The following CDKL1 variants were observed in gnomAD, a reference collection of about 807,000 sequenced individuals.
CDKL1 encodes cyclin-dependent kinase-like 1.
In CDKL1, 41 loss-of-function variants were observed where a neutral mutation model predicts 42.0. The observed-to-expected ratio is 0.98, with a 90% CI of 0.76 to 1.27. The LOEUF (loss-of-function observed/expected upper bound fraction) is 1.27, where lower values mean the gene tolerates loss of function less well. CDKL1 is among the 50% of genes most tolerant of loss of function. The pLI is 0.00. For missense variants in CDKL1, 394 were observed against 428.4 expected (o/e 0.92, Z 0.71); for synonymous variants, 153 against 158.6 (o/e 0.96, Z 0.26).
At chr14:50,385,069 TCAAAAAAAAAAAAAAAAAA>T (rs1244497713) in intron 2 of CDKL1, among the ~76,000 whole-genome samples, 1 of 33,512 alleles carries the variant, frequency 3.0e-5, no homozygotes. Flanking sequence ...AGACTCTGTC[TCAAAAAAAAAAAAAAAAAA>T]AAAAAAAAAA....
intron 2 of CDKL1, among the ~76,000 whole-genome samples, chr14:50,360,785 T>TG (rs1491190818): frequency 1.5e-4 from 19 of 124,380 alleles, no homozygotes; most frequent in South Asian, 2.9e-4. Flanking sequence ...CGTGTGTGTG[T>TG]TTGTGTGTGT....
chr14:50,366,653 A>T (rs775112744), intron 2 of CDKL1, among the ~76,000 whole-genome samples: 12 of 152,200 alleles, frequency 7.9e-5, no homozygotes, highest in Admixed American at 1.3e-4. Flanking sequence ...CATTGTGGTG[A>T]CTTGGAGCAG....
At position 50,326,602 on chromosome 14, in the gene CDKL1, A is replaced by C. The variant is rs2032714338; in HGVS notation, c.*3472T>G. The C allele has an allele frequency of 2.0e-6, 2 of 985,290 alleles. No individual in the cohort carries two copies. The highest frequency in any genetic ancestry group is 3.5e-5 in the African/African-American group (2 of 57,236). The allele number at this position is 985,290 out of a possible 1,614,324, so 61.0% of individuals were successfully genotyped here. A position where few individuals can be genotyped will look rare whatever the true frequency, so the allele number is the denominator to read the frequency against. On this transcript the variant is annotated 3_prime_UTR_variant, in exon 10 of 10. Coordinates refer to ENST00000395834, the MANE Select transcript of CDKL1 (RefSeq NM_004196.7). The stretch of plus-strand genomic sequence containing the variant: ...ACTCAGAATCAACAGTTGCTGCTTA[A>C]TTTGTCTATTTTGTAAGCTTAGGCT...
At chr14:50,335,553 G>A (rs1247905367) in intron 7 of CDKL1, 4 of 1,535,848 alleles carry the variant, frequency 2.6e-6, no homozygotes, top group Non-Finnish European at 3.5e-6. Context: ...AGACAATCAG[G>A]AATAACACTA....
At chr14:50,368,718 G>A (rs746333893) in intron 2 of CDKL1, among the ~76,000 whole-genome samples, 1 of 151,990 alleles carries the variant, frequency 6.6e-6, no homozygotes, top group Non-Finnish European at 1.5e-5. Context: ...CGTATCCTAC[G>A]TGGGCAGCTG....
intron 2 of CDKL1, among the ~76,000 whole-genome samples, chr14:50,365,486 A>C (rs186345014): frequency 3.3e-5 from 5 of 152,314 alleles, no homozygotes; most frequent in Admixed American, 1.3e-4. Context: ...TCAATATTTT[A>C]AAATAAATTA....
intron 7 of CDKL1, chr14:50,335,469 A>G: frequency 6.5e-7 from 1 of 1,536,070 alleles, no homozygotes; most frequent in Non-Finnish European, 8.7e-7. Flanking sequence ...CCTGCTGTTT[A>G]AACAGTCTCC....
intron 2 of CDKL1, among the ~76,000 whole-genome samples, chr14:50,368,061 T>A (rs2034481486): frequency 6.6e-6 from 1 of 152,186 alleles, no homozygotes; most frequent in African/African-American, 2.4e-5. Flanking sequence ...CAGGCACAAG[T>A]GATCCTCCTG....
At chr14:50,349,722 T>C (rs1298253356) in intron 3 of CDKL1, among the ~76,000 whole-genome samples, 1 of 150,222 alleles carries the variant, frequency 6.7e-6, no homozygotes, top group East Asian at 2.0e-4. Flanking sequence ...TTGATGTTCT[T>C]TGTTCTTCTC....
chr14:50,370,093 G>C (rs1289765188), intron 2 of CDKL1, among the ~76,000 whole-genome samples: 3 of 147,224 alleles, frequency 2.0e-5, no homozygotes. Flanking sequence ...CTTTGAGACA[G>C]AGTCTTGCTC....
intron 4 of CDKL1, chr14:50,342,841 A>C: frequency 8.3e-7 from 1 of 1,206,930 alleles, no homozygotes; most frequent in Non-Finnish European, 1.1e-6. Context: ...GCTTGCCAAG[A>C]GATTTCCCTT....
At chr14:50,376,302 A>G (rs1352362868) in intron 2 of CDKL1, 1 of 446,744 alleles carries the variant, frequency 2.2e-6, no homozygotes. Context: ...TAAAAATAAA[A>G]TTTATTGAAA....
At chr14:50,392,865 T>C (rs1213556795) in intron 2 of CDKL1, among the ~76,000 whole-genome samples, 1 of 152,150 alleles carries the variant, frequency 6.6e-6, no homozygotes, top group Non-Finnish European at 1.5e-5. Flanking sequence ...ATCTCCTCAT[T>C]CTTCCAGTCA....
At chr14:50,361,605 C>G (rs561415286) in intron 2 of CDKL1, among the ~76,000 whole-genome samples, 26 of 147,708 alleles carry the variant, frequency 1.8e-4, no homozygotes, top group African/African-American at 5.6e-4. Flanking sequence ...CAAGAGAGCA[C>G]CCCCCTCAAC....
rs2032704037 is a variant in CDKL1, at chr14:50,326,367, A to G, written c.*3707T>C. On this transcript the variant is annotated 3_prime_UTR_variant, in exon 10 of 10. Coordinates refer to ENST00000395834, the MANE Select transcript of CDKL1 (RefSeq NM_004196.7). Reference sequence around the variant, plus strand: ...TATTTGTACAACAGATGTTTTTATTATAACAGTAATTTACATTTAACTTTA... The same window carrying G: ...TATTTGTACAACAGATGTTTTTATTGTAACAGTAATTTACATTTAACTTTA... 2 of 884,176 alleles carry G rather than the reference A, an allele frequency of 2.3e-6. No homozygotes were observed. The highest frequency in any genetic ancestry group is 2.7e-6 in the Non-Finnish European group (2 of 737,812). 54.8% of individuals were successfully genotyped at this position (884,176 alleles called of 1,614,324 possible). A position where few individuals can be genotyped will look rare whatever the true frequency, so the allele number is the denominator to read the frequency against.
At chr14:50,332,059 G>A in intron 9 of CDKL1, 1 of 1,545,350 alleles carries the variant, frequency 6.5e-7, no homozygotes, top group Non-Finnish European at 8.7e-7. Context: ...TCAGGAAGCA[G>A]CAGGACAAGG....
chr14:50,333,138 T>A (rs1426471640), intron 8 of CDKL1: 1 of 153,194 alleles, frequency 6.5e-6, no homozygotes, highest in East Asian at 1.9e-4. Flanking sequence ...ATGTCAGAGG[T>A]GTTGAAACCA....
At chr14:50,334,837 A>C in intron 7 of CDKL1, 1 of 503,034 alleles carries the variant, frequency 2.0e-6, no homozygotes, top group Non-Finnish European at 3.5e-6. Context: ...CTTCGTAACT[A>C]CTCCCTTAAC....
At position 50,344,997 on chromosome 14, in the gene CDKL1, G is replaced by C; in HGVS notation, c.352C>G (p.His118Asp). The change falls in exon 4 of 10, where the codon CAT (histidine) becomes GAT (aspartate). Residue 118 changes from histidine to aspartate, a missense_variant. By Grantham distance (81) the His-to-Asp change is moderately conservative. Coordinates refer to ENST00000395834, the MANE Select transcript of CDKL1 (RefSeq NM_004196.7). Reference sequence around the variant, plus strand: ...ATCATGAGACTTACATTGTGTTTATGGCAAAAATTTACAGCTTGCAGTGTC... The same window carrying C: ...ATCATGAGACTTACATTGTGTTTATCGCAAAAATTTACAGCTTGCAGTGTC... Reference protein sequence around the residue: ...WQTLQAVNFCHKHNCIHRDVK... With the variant: ...WQTLQAVNFCDKHNCIHRDVK... The C allele has an allele frequency of 1.9e-6, 3 of 1,613,720 alleles. No individual in the cohort carries two copies. Among genetic ancestry groups the C allele is most frequent in the Middle Eastern group, 3.3e-4 (2 of 6,060 alleles).
Sources: gnomAD v4.1 joint callset for allele counts (sites outside exome capture counted in the v4.1 genomes callset) on GRCh38, gnomAD v4.1.1 for gene constraint, MANE v1.5 for transcripts, NCBI Gene and HGNC (gene_info 2026-07-23, HGNC 2026-07-21) for gene names.